GRIK2: variants seen among roughly 807,000 people sequenced by gnomAD.
GRIK2 encodes glutamate ionotropic receptor kainate type subunit 2.
Under a neutral mutation model 100.3 loss-of-function variants are expected in GRIK2, and 32 were observed. That is an observed-to-expected ratio of 0.32 (90% CI 0.24 to 0.43). The LOEUF (loss-of-function observed/expected upper bound fraction) is 0.43. Ranked by LOEUF, GRIK2 falls within the 20% of genes least tolerant of loss-of-function variation. The probability of loss-of-function intolerance (pLI) is 1.00; values close to 1 mark genes in which losing one functional copy is unlikely to be tolerated. For synonymous variants in GRIK2, 417 were observed against 389.4 expected, an observed-to-expected ratio of 1.07 and a Z score of -0.83; for missense variants, 843 against 1,114.9, an observed-to-expected ratio of 0.76 and a Z score of 3.47.
intron 7 of GRIK2, among the ~76,000 whole-genome samples, chr6:101,779,237 CCTA>C (rs1055840573): frequency 1.3e-5 from 2 of 152,004 alleles, no homozygotes; most frequent in Non-Finnish European, 2.9e-5. Flanking sequence ...AGTGACTAAG[CCTA>C]TTTCTGTGGC....
chr6:101,395,409 G>A (rs1256135049), intron 1 of GRIK2, among the ~76,000 whole-genome samples: 4 of 152,108 alleles, frequency 2.6e-5, no homozygotes, highest in Admixed American at 2.6e-4. Flanking sequence ...TGGCATGTAA[G>A]AACCTTTGAA....
At chr6:101,660,807 T>C (rs1465569085) in intron 4 of GRIK2, among the ~76,000 whole-genome samples, 1 of 152,178 alleles carries the variant, frequency 6.6e-6, no homozygotes, top group Non-Finnish European at 1.5e-5. Context: ...CAGTGGAGGC[T>C]GCAGAACAGT....
At chr6:102,056,191 CCTT>C (rs1771455006) in intron 16 of GRIK2, among the ~76,000 whole-genome samples, 1 of 151,784 alleles carries the variant, frequency 6.6e-6, no homozygotes, top group Admixed American at 6.6e-5. Context: ...GTACCAGAGT[CCTT>C]CTAAAAATAT....
At chr6:101,841,697 C>G (rs1318787158) in intron 10 of GRIK2, among the ~76,000 whole-genome samples, 1 of 152,008 alleles carries the variant, frequency 6.6e-6, no homozygotes. Flanking sequence ...AAACTTGGGG[C>G]ATAATTTCTC....
intron 2 of GRIK2, among the ~76,000 whole-genome samples, chr6:101,499,990 A>T (rs1278662436): frequency 1.3e-5 from 2 of 152,092 alleles, no homozygotes; most frequent in African/African-American, 4.8e-5. Flanking sequence ...CATTTATGTT[A>T]TAGGTAGTAT....
In GRIK2 at chr6:101,500,734, A is replaced by G. The variant is rs191256622; in HGVS notation, c.115+101342A>G. Among the ~76,000 whole-genome samples, 4 of 152,166 alleles carry G rather than the reference A, an allele frequency of 2.6e-5. No individual in the cohort carries two copies. The East Asian group carries it at 7.7e-4, about 29-fold the overall frequency. On this transcript the variant is annotated intron_variant, in intron 2 of 16. Transcript: ENST00000369134. ...GTTTGGAAATTATTATCCTTCAAAG[A>G]CTTGTATTTATGTTTATTGACTTCA...
At chr6:101,801,538 T>G (rs1460437492) in intron 8 of GRIK2, among the ~76,000 whole-genome samples, 5 of 151,984 alleles carry the variant, frequency 3.3e-5, no homozygotes, top group African/African-American at 9.7e-5. Flanking sequence ...TTACTTCTTT[T>G]GGGTCTTGGT....
At chr6:101,916,592 G>T (rs924032960) in intron 12 of GRIK2, among the ~76,000 whole-genome samples, 1 of 151,470 alleles carries the variant, frequency 6.6e-6, no homozygotes, top group African/African-American at 2.4e-5. Context: ...TGACTGGAAT[G>T]GATTGCAATA....
intron 15 of GRIK2, among the ~76,000 whole-genome samples, chr6:102,042,848 G>A (rs909834304): frequency 5.9e-5 from 9 of 151,554 alleles, no homozygotes; most frequent in Non-Finnish European, 1.0e-4. Flanking sequence ...TAATACTCAA[G>A]AAATATGACA....
chr6:101,577,014 A>C (rs1455481120), intron 2 of GRIK2, among the ~76,000 whole-genome samples: 2 of 152,112 alleles, frequency 1.3e-5, no homozygotes, highest in African/African-American at 4.8e-5. Flanking sequence ...AAGGATTTCA[A>C]CCTTGCTTAA....
At chr6:101,961,658 C>T (rs761258098) in intron 14 of GRIK2, among the ~76,000 whole-genome samples, 5 of 152,092 alleles carry the variant, frequency 3.3e-5, no homozygotes, top group Non-Finnish European at 7.4e-5. Context: ...GTGGGGAGCT[C>T]TTGTGCAGAG....
intron 12 of GRIK2, among the ~76,000 whole-genome samples, chr6:101,893,330 C>T (rs977555196): frequency 6.6e-6 from 1 of 151,330 alleles, no homozygotes; most frequent in Non-Finnish European, 1.5e-5. Context: ...CATTGAAGGT[C>T]ACAGAAACAA....
Position 101,671,022 on chromosome 6 carries a change from G to A in GRIK2, c.542-5601G>A, listed in dbSNP as rs143988303. Among the ~76,000 whole-genome samples, 1,338 of 152,200 alleles carry A rather than the reference G, an allele frequency of 8.8e-3. 20 individuals carry two copies. Among genetic ancestry groups the A allele is most frequent in the African/African-American group, 0.031 (1,280 of 41,540 alleles). The stretch of plus-strand genomic sequence containing the variant: ...TAAATCCCCCAAATTTACATTTGAC[G>A]CTCACAAAATCTTGTGAGGTAAGTA... On this transcript the variant is annotated intron_variant, in intron 4 of 16. Coordinates refer to ENST00000369134, the MANE Select transcript of GRIK2 (RefSeq NM_021956.5).
chr6:101,986,877 T>C (rs1466922738), intron 14 of GRIK2, among the ~76,000 whole-genome samples: 1 of 151,904 alleles, frequency 6.6e-6, no homozygotes, highest in South Asian at 2.1e-4. Flanking sequence ...CAGTGGTTCA[T>C]GTCTGTAATC....
chr6:101,445,977 A>T (rs907931173), intron 2 of GRIK2, among the ~76,000 whole-genome samples: 2 of 152,014 alleles, frequency 1.3e-5, no homozygotes, highest in Non-Finnish European at 2.9e-5. Flanking sequence ...GGCACATCTC[A>T]TGCTTTACCA....
chr6:102,046,154 T>C (rs1454266139), intron 15 of GRIK2, among the ~76,000 whole-genome samples: 2 of 152,072 alleles, frequency 1.3e-5, no homozygotes, highest in Non-Finnish European at 2.9e-5. Flanking sequence ...TGTAAATATA[T>C]ATGCACCAAA....
chr6:101,870,804 C>T (rs1785365490), intron 11 of GRIK2, among the ~76,000 whole-genome samples: 2 of 151,750 alleles, frequency 1.3e-5, no homozygotes, highest in Admixed American at 6.6e-5. Flanking sequence ...TAGATAAAGG[C>T]ATTCTGAAAC....
chr6:101,559,573 T>C (rs1400141869), intron 2 of GRIK2, among the ~76,000 whole-genome samples: 1 of 152,188 alleles, frequency 6.6e-6, no homozygotes, highest in Non-Finnish European at 1.5e-5. Flanking sequence ...GGGACTTCAC[T>C]ATATTTACAA....
intron 7 of GRIK2, among the ~76,000 whole-genome samples, chr6:101,791,778 C>T (rs1034095347): frequency 1.5e-4 from 23 of 151,640 alleles, no homozygotes; most frequent in Non-Finnish European, 3.1e-4. Context: ...CTTTCTGTCT[C>T]GTTGATCTGT....
Sources: gnomAD v4.1 joint callset for allele counts (sites outside exome capture counted in the v4.1 genomes callset) on GRCh38, gnomAD v4.1.1 for gene constraint, MANE v1.5 for transcripts, NCBI Gene and HGNC (gene_info 2026-07-23, HGNC 2026-07-21) for gene names.